The following DCDC2C variants were observed in gnomAD, a reference collection of about 807,000 sequenced individuals.
DCDC2C encodes the protein doublecortin domain-containing protein 2C.
DCDC2C carries 44 observed loss-of-function variants against 45.0 expected under a neutral mutation model. The ratio of observed to expected loss-of-function variants is 0.98; its 90% CI spans 0.77 to 1.26. The LOEUF (loss-of-function observed/expected upper bound fraction) is 1.26, where lower values mean the gene tolerates loss of function less well. Ranked by LOEUF, DCDC2C falls within the 50% of genes most tolerant of loss-of-function variation. DCDC2C has a pLI of 0.00. For missense variants in DCDC2C, 447 were observed against 468.9 expected (o/e 0.95, Z 0.43); for synonymous variants, 187 against 178.8 (o/e 1.05, Z -0.37).
At chr2:3,712,665 C>T (rs998692496) in intron 2 of DCDC2C, among the ~76,000 whole-genome samples, 1 of 152,036 alleles carries the variant, frequency 6.6e-6, no homozygotes, top group African/African-American at 2.4e-5. Context: ...TGCTTGTTTT[C>T]CTTGCTTATT....
intron 10 of DCDC2C, among the ~76,000 whole-genome samples, chr2:3,816,982 G>C (rs576258289): frequency 2.0e-5 from 3 of 152,336 alleles, no homozygotes; most frequent in East Asian, 3.9e-4. Flanking sequence ...ACGAAATGAT[G>C]ACAGAATAGA....
intron 3 of DCDC2C, among the ~76,000 whole-genome samples, chr2:3,735,121 C>G (rs532272245): frequency 5.9e-5 from 9 of 152,116 alleles, no homozygotes. Context: ...GCCCAGATAC[C>G]AGACACACAG....
chr2:3,733,871 T>C (rs887393879), intron 3 of DCDC2C, among the ~76,000 whole-genome samples: 3 of 152,188 alleles, frequency 2.0e-5, no homozygotes, highest in East Asian at 1.9e-4. Context: ...ACCAGGGGTC[T>C]GGGACCTTGA....
In DCDC2C at chr2:3,847,980, C is replaced by A. The variant is rs1672377103; in HGVS notation, c.*797C>A. Among the ~76,000 whole-genome samples, 1 of 152,134 alleles carries A rather than the reference C, an allele frequency of 6.6e-6. No homozygotes were observed. On this transcript the variant is annotated 3_prime_UTR_variant, in exon 11 of 11. Transcript: ENST00000399143. ...CCTATACAGCCTGCAGAACTGTGAGCCAATTAAACCTCTTTTCTTCATAAA... is the reference window on the plus strand; with the variant it reads ...CCTATACAGCCTGCAGAACTGTGAGACAATTAAACCTCTTTTCTTCATAAA...
intron 10 of DCDC2C, among the ~76,000 whole-genome samples, chr2:3,811,943 G>A (rs1572634904): frequency 6.6e-6 from 1 of 152,184 alleles, no homozygotes; most frequent in Admixed American, 6.5e-5. Context: ...CTTCATTGTG[G>A]TGGATAAGCT....
At chr2:3,836,580 C>G (rs74551901) in intron 10 of DCDC2C, among the ~76,000 whole-genome samples, 137 of 152,262 alleles carry the variant, frequency 9.0e-4, no homozygotes, top group African/African-American at 3.1e-3. Flanking sequence ...GTACACTGGT[C>G]GGCGGGGCGC....
chr2:3,831,684 A>G (rs1671955242), intron 10 of DCDC2C, among the ~76,000 whole-genome samples: 1 of 152,180 alleles, frequency 6.6e-6, no homozygotes, highest in Admixed American at 6.5e-5. Context: ...ACCCAAACAA[A>G]CTTGCCTAAT....
At chr2:3,706,664 T>G (rs913439139) in intron 1 of DCDC2C, among the ~76,000 whole-genome samples, 2 of 152,186 alleles carry the variant, frequency 1.3e-5, no homozygotes, top group Non-Finnish European at 2.9e-5. Context: ...GAACATGCTA[T>G]TTGAATCAAA....
At chr2:3,727,710 G>T (rs762386107) in intron 3 of DCDC2C, among the ~76,000 whole-genome samples, 1 of 152,240 alleles carries the variant, frequency 6.6e-6, no homozygotes, top group Non-Finnish European at 1.5e-5. Context: ...GTTGGGAAAA[G>T]ACACACACTT....
At position 3,767,074 on chromosome 2, in the gene DCDC2C, G is replaced by T. The variant is rs1488009980; in HGVS notation, c.727-680G>T. On this transcript the variant is annotated intron_variant, in intron 6 of 10. Transcript: ENST00000399143. ...AGTGTTGCGAGCGTGTTTAAGGTAG[G>T]GCTGCGCCATGATGTTCAGTAGGCT... 4.6e-5 allele frequency among the ~76,000 whole-genome samples: 7 copies of T among 152,220 alleles called. No individual in the cohort carries two copies. The East Asian group carries it at 1.3e-3, about 29-fold the overall frequency.
At chr2:3,749,236 G>A (rs1669465112) in intron 4 of DCDC2C, among the ~76,000 whole-genome samples, 1 of 152,054 alleles carries the variant, frequency 6.6e-6, no homozygotes, top group Admixed American at 6.6e-5. Context: ...TTTGCAAATG[G>A]CCGTTGCATT....
rs56104311 is a variant in DCDC2C, at chr2:3,704,016, C to T, written c.265C>T (p.Arg89Cys). The change falls in exon 1 of 11, where the codon CGC (arginine) becomes TGC (cysteine). Residue 89 changes from arginine (R) to cysteine (C), a missense_variant. Transcript: ENST00000399143. ...QAGGKYVAAG[R>C]ERFKELDYIH... is the part of the protein sequence containing the mutation. ...GGGCGGCAAGTACGTGGCGGCGGGC[C>T]GCGAGCGCTTCAAGGAGCTCGAGTA... 0.094 allele frequency: 120,788 copies of T among 1,281,836 alleles called. 6,556 individuals are homozygous for T. The highest frequency in any genetic ancestry group is 0.21 in the African/African-American group (13,798 of 64,644). 79.4% of individuals were successfully genotyped at this position (1,281,836 alleles called of 1,614,324 possible).
intron 10 of DCDC2C, among the ~76,000 whole-genome samples, chr2:3,820,790 A>G (rs563654426): frequency 4.1e-4 from 62 of 152,168 alleles, no homozygotes; most frequent in South Asian, 3.1e-3. Flanking sequence ...TGGAGAAGAG[A>G]GTGAAAAGAC....
intron 6 of DCDC2C, among the ~76,000 whole-genome samples, chr2:3,754,981 C>G (rs937881280): frequency 2.0e-5 from 3 of 152,144 alleles, no homozygotes; most frequent in Admixed American, 6.5e-5. Flanking sequence ...GCAGTGGGCT[C>G]TGGCGGGGGG....
chr2:3,704,153 G>T, intron 1 of DCDC2C, 115 bp downstream of exon 1: 1 of 1,017,612 alleles, frequency 9.8e-7, no homozygotes, highest in Non-Finnish European at 1.3e-6. Flanking sequence ...CCCGGCTCGG[G>T]CGCCCATCTT....
intron 5 of DCDC2C, among the ~76,000 whole-genome samples, chr2:3,753,655 T>C (rs1222845252): frequency 6.6e-6 from 1 of 152,224 alleles, no homozygotes; most frequent in Non-Finnish European, 1.5e-5. Context: ...ACCATGCAGG[T>C]GGCCAGCCTT....
intron 3 of DCDC2C, among the ~76,000 whole-genome samples, chr2:3,741,686 AG>A (rs1228035435): frequency 2.7e-5 from 4 of 147,052 alleles, no homozygotes; most frequent in African/African-American, 1.1e-4. Flanking sequence ...CTACAACAAA[AG>A]CACACATACA....
At chr2:3,768,104 C>A (rs1670064467) in intron 7 of DCDC2C, among the ~76,000 whole-genome samples, 1 of 151,820 alleles carries the variant, frequency 6.6e-6, no homozygotes, top group South Asian at 2.1e-4. Flanking sequence ...AATTAGGGGG[C>A]CTCCAAGATA....
In DCDC2C at chr2:3,818,942, T is replaced by C. The variant is rs867682602; in HGVS notation, c.1066-28212T>C. 1.3e-5 allele frequency among the ~76,000 whole-genome samples: 2 copies of C among 152,162 alleles called. No homozygotes were observed. Among genetic ancestry groups the C allele is most frequent in the African/African-American group, 4.8e-5 (2 of 41,430 alleles). On this transcript the variant is annotated intron_variant, in intron 10 of 10. Coordinates refer to ENST00000399143, the MANE Select transcript of DCDC2C (RefSeq NM_001287444.2). This position sits in a 1 kb window ranked among gnomAD's most constrained non-coding sequence, Gnocchi z 4.7. ...AGTGCATAAAAGAATATTGTTTACG[T>C]TGGCACCAGAGTTGTGGAGTTTTAA...
Sources: gnomAD v4.1 joint callset for allele counts (sites outside exome capture counted in the v4.1 genomes callset) on GRCh38, gnomAD v4.1.1 for gene constraint, Gnocchi (gnomAD v3.1) non-coding constraint, MANE v1.5 for transcripts, NCBI Gene and HGNC (gene_info 2026-07-23, HGNC 2026-07-21) for gene names.